ARHGAP8: variants seen among roughly 807,000 people sequenced by gnomAD.
ARHGAP8 encodes the protein Rho GTPase activating protein 8, also known as rho GTPase-activating protein 8.
A neutral mutation model predicts 46.1 loss-of-function variants in ARHGAP8; 62 were observed. The ratio of observed to expected loss-of-function variants is 1.34; its 90% CI spans 1.10 to 1.66. The LOEUF (loss-of-function observed/expected upper bound fraction) is 1.66, where lower values mean the gene tolerates loss of function less well. Among genes scored for constraint, ARHGAP8 ranks in the 40% most tolerant of loss-of-function variants. ARHGAP8 has a pLI of 0.00. For synonymous variants in ARHGAP8, 375 were observed against 243.1 expected, an observed-to-expected ratio of 1.54 and a Z score of -5.05; for missense variants, 923 against 568.4, an observed-to-expected ratio of 1.62 and a Z score of -6.34.
At chr22:44,784,309 CAGG>C (rs548881663) in intron 1 of ARHGAP8, among the ~76,000 whole-genome samples, 142 of 152,204 alleles carry the variant, frequency 9.3e-4, no homozygotes, top group Non-Finnish European at 1.8e-3. Flanking sequence ...GAGGCTGAGG[CAGG>C]AGAATTGCTT....
rs1298026033 is a variant in ARHGAP8, at chr22:44,786,516, T to G, written c.-12T>G. The stretch of plus-strand genomic sequence containing the variant: ...GCTGGGTGCAGTGAGGAAGAGGCCC[T>G]CGGTGGTGCCCATGGCTGGCCAGGA... On this transcript the variant is annotated 5_prime_UTR_variant, in exon 2 of 12. Transcript: ENST00000356099. 1 of 1,613,614 alleles carries G rather than the reference T, an allele frequency of 6.2e-7. No homozygotes were observed. The highest frequency in any genetic ancestry group is 8.5e-7 in the Non-Finnish European group (1 of 1,179,828).
At position 44,825,549 on chromosome 22, in the gene ARHGAP8, G is replaced by A. The variant is rs377295717; in HGVS notation, c.552G>A (p.Pro184=). The A allele has an allele frequency of 1.7e-5, 27 of 1,613,248 alleles. No individual in the cohort carries two copies. The highest frequency in any genetic ancestry group is 1.5e-4 in the African/African-American group (11 of 74,880). ...RTPPPTKTPP[P]RPPLPTQQFG... Reference sequence around the variant, plus strand: ...CGCCTCCCACCAAGACACCACCGCCGCGGCCCCCGCTGCCCACACAGCAGT... The same window carrying A: ...CGCCTCCCACCAAGACACCACCGCCACGGCCCCCGCTGCCCACACAGCAGT... Residue 184 remains proline, a synonymous_variant, in exon 7 of 12, where the codon CCG becomes CCA. Transcript: ENST00000356099.
chr22:44,770,821 A>T (rs4823252), intron 1 of ARHGAP8, among the ~76,000 whole-genome samples: 1 of 151,916 alleles, frequency 6.6e-6, no homozygotes, highest in African/African-American at 2.4e-5. Context: ...CAGAATTCAG[A>T]CCCCTCTCAT....
chr22:44,822,074 C>T (rs1044473979), intron 5 of ARHGAP8, among the ~76,000 whole-genome samples: 4 of 152,204 alleles, frequency 2.6e-5, no homozygotes, highest in African/African-American at 7.2e-5. Context: ...TTGGCACTTC[C>T]GCGCTATCTC....
intron 2 of ARHGAP8, among the ~76,000 whole-genome samples, chr22:44,796,078 G>A (rs5765022): frequency 0.27 from 40,705 of 152,066 alleles, 6,336 homozygotes; most frequent in East Asian, 0.44. Flanking sequence ...TTGCCCTGGC[G>A]ACCTTGACCC....
At chr22:44,835,133 C>G (rs1014517348) in intron 7 of ARHGAP8, among the ~76,000 whole-genome samples, 15 of 151,848 alleles carry the variant, frequency 9.9e-5, no homozygotes, top group African/African-American at 2.9e-4. Flanking sequence ...TATTTGTTTT[C>G]TATATGTCTT....
intron 1 of ARHGAP8, among the ~76,000 whole-genome samples, chr22:44,771,130 T>C (rs1038593811): frequency 2.6e-5 from 4 of 152,248 alleles, no homozygotes; most frequent in African/African-American, 9.6e-5. Context: ...AGAATTGATT[T>C]TTGTATATTA....
intron 5 of ARHGAP8, among the ~76,000 whole-genome samples, chr22:44,815,060 T>C (rs1388864132): frequency 6.6e-6 from 1 of 152,178 alleles, no homozygotes; most frequent in Non-Finnish European, 1.5e-5. Flanking sequence ...CCAGAGGGAC[T>C]CACAGATGTC....
intron 11 of ARHGAP8, among the ~76,000 whole-genome samples, chr22:44,860,442 G>C (rs1226577587): frequency 6.6e-6 from 1 of 152,018 alleles, no homozygotes; most frequent in Non-Finnish European, 1.5e-5. Flanking sequence ...GTCTGTGTGT[G>C]TGTCTAATCT....
chr22:44,829,435 C>G (rs1169812536), intron 7 of ARHGAP8, among the ~76,000 whole-genome samples: 1 of 152,224 alleles, frequency 6.6e-6, no homozygotes, highest in African/African-American at 2.4e-5. Flanking sequence ...ATACCATTAG[C>G]CCTGCATTCT....
intron 11 of ARHGAP8, among the ~76,000 whole-genome samples, chr22:44,861,038 C>T (rs1413534506): frequency 6.6e-6 from 1 of 152,214 alleles, no homozygotes; most frequent in Non-Finnish European, 1.5e-5. Flanking sequence ...CAGTCTTGCT[C>T]TGTTGCCCTA....
chr22:44,854,288 G>A lies in ARHGAP8; in HGVS notation c.877+5228G>A, dbSNP rs1601524714. On this transcript the variant is annotated intron_variant, in intron 10 of 11. Coordinates refer to ENST00000356099, the MANE Select transcript of ARHGAP8 (RefSeq NM_181335.3). ...GTCTTGCTTTGTTGCCCAGGTTGGAGTGCAGTGGCCTGATCTTGGCTCATT... is the reference window on the plus strand; with the variant it reads ...GTCTTGCTTTGTTGCCCAGGTTGGAATGCAGTGGCCTGATCTTGGCTCATT... Among the ~76,000 whole-genome samples, 10 of 148,052 alleles carry A rather than the reference G, an allele frequency of 6.8e-5. No homozygotes were observed. The South Asian group carries it at 2.2e-3, about 32-fold the overall frequency.
At chr22:44,838,754 G>A (rs77238814) in intron 7 of ARHGAP8, among the ~76,000 whole-genome samples, 3,705 of 152,236 alleles carry the variant, frequency 0.024, 130 homozygotes, top group African/African-American at 0.078. Context: ...CTCCAGCTGC[G>A]TGAACCCGGA....
At position 44,830,619 on chromosome 22, in the gene ARHGAP8, C is replaced by T. The variant is rs763482071; in HGVS notation, c.596+5026C>T. On this transcript the variant is annotated intron_variant, in intron 7 of 11. Coordinates refer to ENST00000356099, the MANE Select transcript of ARHGAP8 (RefSeq NM_181335.3). ...TGACACGATCTCGGCTCACTGCAAC[C>T]TCCACCTCCTGGGTTCAAGCGATTC... Among the ~76,000 whole-genome samples the T allele has an allele frequency of 1.4e-4, 22 of 152,270 alleles. No homozygotes were observed. The South Asian group carries it at 1.5e-3, about 10-fold the overall frequency.
rs754001804 is a variant in ARHGAP8, at chr22:44,859,838, A to G, written c.981+4A>G. ...CCTCATGGGCTTCCTGCATGCGGTG[A>G]GTGGGGAAGGGGGGAGCTTGGGGTG... On this transcript the variant is annotated splice_donor_region_variant and intron_variant, in intron 11 of 11. Transcript: ENST00000356099. 5 of 1,613,146 alleles carry G rather than the reference A, an allele frequency of 3.1e-6. No individual in the cohort carries two copies. The highest frequency in any genetic ancestry group is 4.2e-6 in the Non-Finnish European group (5 of 1,179,618).
chr22:44,835,717 A>G (rs1008550956), intron 7 of ARHGAP8, among the ~76,000 whole-genome samples: 2 of 152,188 alleles, frequency 1.3e-5, no homozygotes, highest in Non-Finnish European at 2.9e-5. Flanking sequence ...TTGCCACTGG[A>G]AGAAACTTGA....
In ARHGAP8 at chr22:44,862,169, T is replaced by C. The variant is rs976650509; in HGVS notation, c.982-106T>C. The C allele has an allele frequency of 7.3e-6, 10 of 1,373,908 alleles. No individual in the cohort carries two copies. The African/African-American group carries it at 1.2e-4, about 16-fold the overall frequency. The allele number at this position is 1,373,908 out of a possible 1,614,324, so 85.1% of individuals were successfully genotyped here. A position where few individuals can be genotyped will look rare whatever the true frequency, so the allele number is the denominator to read the frequency against. On this transcript the variant is annotated intron_variant, in intron 11 of 11. Transcript: ENST00000356099. ...TACTGGCTGCCGGCTCCCAGTCCAGTGCTCCTCTCACTACACCTACGCCTC... is the reference window on the plus strand; with the variant it reads ...TACTGGCTGCCGGCTCCCAGTCCAGCGCTCCTCTCACTACACCTACGCCTC...
At chr22:44,829,763 T>C (rs562298819) in intron 7 of ARHGAP8, among the ~76,000 whole-genome samples, 1 of 152,368 alleles carries the variant, frequency 6.6e-6, no homozygotes, top group South Asian at 2.1e-4. Flanking sequence ...CTGAATCCTA[T>C]TCACAAATGT....
intron 1 of ARHGAP8, among the ~76,000 whole-genome samples, chr22:44,757,029 C>T (rs1274132348): frequency 6.6e-6 from 1 of 152,104 alleles, no homozygotes; most frequent in Non-Finnish European, 1.5e-5. Flanking sequence ...GATCCTCCCA[C>T]CTGAGCCTTC....
Sources: allele counts gnomAD v4.1 joint callset (sites outside exome capture counted in the v4.1 genomes callset), GRCh38; gene constraint gnomAD v4.1.1; transcripts MANE v1.5; gene names NCBI Gene and HGNC (gene_info 2026-07-23, HGNC 2026-07-21).